The following SDCBP2 variants were observed in gnomAD, a reference collection of about 807,000 sequenced individuals.
SDCBP2 encodes syntenin-2.
In SDCBP2, 28 loss-of-function variants were observed where a neutral mutation model predicts 30.7. The observed-to-expected ratio is 0.91, with a 90% CI of 0.68 to 1.25. The LOEUF is 1.25. SDCBP2 is among the 50% of genes most tolerant of loss of function. The pLI is 0.00. For synonymous variants in SDCBP2, 166 were observed against 157.3 expected (o/e 1.06, Z -0.41); for missense variants, 399 against 379.0 (o/e 1.05, Z -0.44).
chr20:1,318,170 G>A (rs2088805630), intron 4 of SDCBP2, 148 bp downstream of exon 4: 2 of 690,118 alleles, frequency 2.9e-6, no homozygotes, highest in East Asian at 5.6e-5. Context: ...AAAATGAACG[G>A]TGCCATCAAG....
chr20:1,328,429 G>A (rs775393211), intron 1 of SDCBP2, among the ~76,000 whole-genome samples: 3 of 152,086 alleles, frequency 2.0e-5, no homozygotes, highest in Non-Finnish European at 4.4e-5. Context: ...TCATGAGCTT[G>A]GGCCACTGTA....
chr20:1,311,855 C>T (rs537952774), intron 7 of SDCBP2, among the ~76,000 whole-genome samples: 23 of 151,342 alleles, frequency 1.5e-4, no homozygotes, highest in Middle Eastern at 3.4e-3. Context: ...GTATTAAGCA[C>T]CTGCTATGTG....
At position 1,313,599 on chromosome 20, in the gene SDCBP2, C is replaced by CCT; in HGVS notation, c.226-102_226-101insAG. 7.0e-7 allele frequency: 1 copy of CCT among 1,432,796 alleles called. No homozygotes were observed. The highest frequency in any genetic ancestry group is 9.1e-7 in the Non-Finnish European group (1 of 1,094,906). The allele number at this position is 1,432,796 out of a possible 1,614,324, so 88.8% of individuals were successfully genotyped here. A position where few individuals can be genotyped will look rare whatever the true frequency, so the allele number is the denominator to read the frequency against. ...AGGGATGGGGAAAGGAGGATGGAGC[C>CCT]GTCCCCGGGTCCCCCCACGTCCCCA... On this transcript the variant is annotated intron_variant, in intron 4 of 8. Coordinates refer to ENST00000360779, the MANE Select transcript of SDCBP2 (RefSeq NM_080489.5). This position sits in a 1 kb window ranked among gnomAD's most constrained non-coding sequence, Gnocchi z 5.2.
chr20:1,312,600 C>A lies in SDCBP2; in HGVS notation c.547G>T (p.Val183Leu). 6.2e-7 allele frequency: 1 copy of A among 1,613,950 alleles called. No homozygotes were observed. The highest frequency in any genetic ancestry group is 8.5e-7 in the Non-Finnish European group (1 of 1,179,858). ...KKASGDKIVV[V>L]VRDRPFQRTV... ...CTGGCTACTCACCTGTCCCGAACCA[C>A]CACGACAATCTTATCGCCTGATGCC... The change falls in exon 6 of 9, where the codon GTG (valine) becomes TTG (leucine). Residue 183 changes from valine to leucine, a missense_variant. By Grantham distance (32) the Val-to-Leu change is conservative (BLOSUM62 1). Coordinates refer to ENST00000360779, the MANE Select transcript of SDCBP2 (RefSeq NM_080489.5).
At chr20:1,328,779 C>T (rs1600290778) in intron 1 of SDCBP2, among the ~76,000 whole-genome samples, 1 of 152,040 alleles carries the variant, frequency 6.6e-6, no homozygotes, top group Admixed American at 6.6e-5. Flanking sequence ...CTGGAATTGG[C>T]CTTTCAAGGA....
chr20:1,313,058 G>A lies in SDCBP2; in HGVS notation c.384+282C>T. 1.7e-6 allele frequency: 1 copy of A among 586,960 alleles called. No homozygotes were observed. The allele number at this position is 586,960 out of a possible 1,614,324, so 36.4% of individuals were successfully genotyped here. ...CCTGGCGTCGGCTGTCTACACCGTCGCCTGGAAGCTAGATGCCCTGGGCAG... is the reference window on the plus strand; with the variant it reads ...CCTGGCGTCGGCTGTCTACACCGTCACCTGGAAGCTAGATGCCCTGGGCAG... On this transcript the variant is annotated intron_variant, in intron 5 of 8. Coordinates refer to ENST00000360779, the MANE Select transcript of SDCBP2 (RefSeq NM_080489.5). This position sits in a 1 kb window ranked among gnomAD's most constrained non-coding sequence, Gnocchi z 5.2.
Position 1,310,474 on chromosome 20 carries a change from G to A in SDCBP2, c.846C>T (p.His282=), listed in dbSNP as rs149040516. The change falls in exon 9 of 9, where the codon CAC becomes CAT. Residue 282 remains histidine, a synonymous_variant. Transcript: ENST00000360779. ...CTGGGATGGAGTGGTCCATGGTGTGGTGGAGCAGGACTGGAGGCAACCTGG... is the reference window on the plus strand; with the variant it reads ...CTGGGATGGAGTGGTCCATGGTGTGATGGAGCAGGACTGGAGGCAACCTGG... ...MVKKLPPVLL[H]HTMDHSIPDA is the part of the protein sequence containing the mutation. The A allele has an allele frequency of 2.2e-4, 349 of 1,613,754 alleles. No homozygotes were observed. The highest frequency in any genetic ancestry group is 2.8e-4 in the Non-Finnish European group (334 of 1,179,992).
intron 1 of SDCBP2, among the ~76,000 whole-genome samples, chr20:1,327,346 G>A (rs2088943717): frequency 6.6e-6 from 1 of 152,218 alleles, no homozygotes; most frequent in African/African-American, 2.4e-5. Context: ...AAGAGCTGAA[G>A]TGATGGAACT....
At chr20:1,328,157 T>C (rs2088957494) in intron 1 of SDCBP2, among the ~76,000 whole-genome samples, 1 of 151,976 alleles carries the variant, frequency 6.6e-6, no homozygotes, top group African/African-American at 2.4e-5. Flanking sequence ...GAGAAGCCAG[T>C]TGTGCAGAGA....
At chr20:1,318,041 G>T in intron 4 of SDCBP2, 1 of 487,636 alleles carries the variant, frequency 2.1e-6, no homozygotes, top group Admixed American at 2.5e-5. Context: ...TGGGCTTAAT[G>T]ACCTCCCTTC....
At position 1,313,379 on chromosome 20, in the gene SDCBP2, C is replaced by A; in HGVS notation, c.345G>T (p.Glu115Asp). The A allele has an allele frequency of 1.2e-6, 2 of 1,611,438 alleles. No homozygotes were observed. The highest frequency in any genetic ancestry group is 1.7e-6 in the Non-Finnish European group (2 of 1,179,550). ...GVREIHLCKD[E>D]RGKTGLRLRK... The stretch of plus-strand genomic sequence containing the variant: ...GCAGCCTCAGCCCGGTCTTGCCGCG[C>A]TCGTCCTTGCACAGGTGGATCTCGC... The change falls in exon 5 of 9, where the codon GAG (glutamate) becomes GAT (aspartate). Residue 115 changes from glutamate (E) to aspartate (D), a missense_variant. Physicochemically the swap from Glu to Asp is conservative, Grantham distance 45. Transcript: ENST00000360779. This position sits in a 1 kb window ranked among gnomAD's most constrained non-coding sequence, Gnocchi z 5.2.
At chr20:1,326,715 C>G (rs1440185213) in intron 1 of SDCBP2, among the ~76,000 whole-genome samples, 1 of 152,226 alleles carries the variant, frequency 6.6e-6, no homozygotes, top group East Asian at 1.9e-4. Flanking sequence ...ATGAGCAAGG[C>G]CTTCTGCATT....
At chr20:1,310,623 C>G in intron 8 of SDCBP2, 128 bp from the exon 9 acceptor site, 1 of 1,052,740 alleles carries the variant, frequency 9.5e-7, no homozygotes, top group East Asian at 2.5e-5. Flanking sequence ...TTTCGAATCA[C>G]CAGAAGCCAC....
At chr20:1,312,858 C>A (rs1174622511) in intron 5 of SDCBP2, 96 bp from the exon 6 acceptor site, 17 of 1,340,390 alleles carry the variant, frequency 1.3e-5, no homozygotes, top group South Asian at 2.9e-5. Context: ...ACTCCAGGAA[C>A]CTACAGGGTG....
Position 1,319,616 on chromosome 20 carries a change from T to C in SDCBP2, c.98A>G (p.Gln33Arg). Residue 33 changes from glutamine to arginine, a missense_variant, in exon 3 of 9, where the codon CAG becomes CGG. Gln to Arg is a conservative substitution (Grantham distance 43, BLOSUM62 1). Transcript: ENST00000360779. Reference protein sequence around the residue: ...ASPKMPALPVQATAISPPPVL... With the variant: ...ASPKMPALPVRATAISPPPVL... ...TGGTGGTGGGGAAATGGCTGTTGCCTGGACTGGCAGGGCTGGCATCTTGGG... is the reference window on the plus strand; with the variant it reads ...TGGTGGTGGGGAAATGGCTGTTGCCCGGACTGGCAGGGCTGGCATCTTGGG... 1 of 1,575,268 alleles carries C rather than the reference T, an allele frequency of 6.3e-7. No homozygotes were observed. Among genetic ancestry groups the C allele is most frequent in the Non-Finnish European group, 8.6e-7 (1 of 1,159,866 alleles).
intron 3 of SDCBP2, among the ~76,000 whole-genome samples, chr20:1,318,881 G>A (rs563544717): frequency 3.9e-5 from 6 of 152,308 alleles, no homozygotes; most frequent in Admixed American, 3.3e-4. Flanking sequence ...CCAGAGGGTG[G>A]CCATCTGCAA....
At chr20:1,325,060 T>C (rs2088899875) in intron 1 of SDCBP2, among the ~76,000 whole-genome samples, 1 of 152,178 alleles carries the variant, frequency 6.6e-6, no homozygotes, top group African/African-American at 2.4e-5. Flanking sequence ...GACGAACCTG[T>C]GCCTTCCCTC....
Position 1,310,799 on chromosome 20 carries a change from C to T in SDCBP2, c.824+1G>A, listed in dbSNP as rs1370614642. On this transcript the variant is annotated splice_donor_variant, in intron 8 of 8. Transcript: ENST00000360779. LOFTEE classifies it high-confidence loss of function. ...AGGGGTGAGGAGGGGTGCAGCCTTA[C>T]TTTTTGACCATGTGCTCGTAGATCA... is the stretch of plus-strand genomic sequence containing the variant. The T allele has an allele frequency of 1.9e-6, 3 of 1,611,756 alleles. No individual in the cohort carries two copies. Among genetic ancestry groups the T allele is most frequent in the Admixed American group, 3.3e-5 (2 of 59,906 alleles).
At chr20:1,317,919 A>G in intron 4 of SDCBP2, 2 of 346,680 alleles carry the variant, frequency 5.8e-6, no homozygotes, top group Non-Finnish European at 1.1e-5. Flanking sequence ...GGAAAGCAGG[A>G]ATTGAGCCTT....
Sources: gnomAD v4.1 joint callset for allele counts (sites outside exome capture counted in the v4.1 genomes callset) on GRCh38, gnomAD v4.1.1 for gene constraint, Gnocchi (gnomAD v3.1) non-coding constraint, MANE v1.5 for transcripts, NCBI Gene and HGNC (gene_info 2026-07-23, HGNC 2026-07-21) for gene names.